MYO15B: variants seen among roughly 807,000 people sequenced by gnomAD.
The protein encoded by MYO15B is myosin XVB.
MYO15B carries 207 observed loss-of-function variants against 119.3 expected under a neutral mutation model. The observed-to-expected ratio is 1.73, with a 90% CI of 1.55 to 1.95. The LOEUF (loss-of-function observed/expected upper bound fraction) is 1.95, where lower values mean the gene tolerates loss of function less well. Among genes scored for constraint, MYO15B ranks in the 30% most tolerant of loss-of-function variants. The pLI is 0.00. For synonymous variants in MYO15B, 966 were observed against 498.9 expected (o/e 1.94, Z -12.48); for missense variants, 2,264 against 1,203.1 (o/e 1.88, Z -13.04).
exon 25 of MYO15B, chr17:75,611,993 A>G: frequency 1.4e-6 from 1 of 702,828 alleles, no homozygotes; most frequent in Non-Finnish European, 2.6e-6. Context: ...CCCTTTCTCC[A>G]GCTTCGTCGC....
chr17:75,594,587 C>T (rs933661136), exon 10 of MYO15B: 18 of 668,972 alleles, frequency 2.7e-5, no homozygotes, highest in Admixed American at 2.0e-4. Context: ...AGGAGGGTCA[C>T]GGTGAGCCCG....
intron 52 of MYO15B, 50 bp downstream of exon 52, chr17:75,621,620 C>G (rs1056250094): frequency 1.5e-6 from 1 of 686,888 alleles, no homozygotes; most frequent in Non-Finnish European, 2.7e-6. Context: ...TGCCATGAAC[C>G]TGGGTGTCTG....
At chr17:75,594,851 C>T (rs1331085322) in exon 12 of MYO15B, 1 of 702,934 alleles carries the variant, frequency 1.4e-6, no homozygotes, top group African/African-American at 1.7e-5. Flanking sequence ...GACGCCCTGG[C>T]CAAGGCACTG....
At chr17:75,588,460 T>A (rs1282159691) in exon 1 of MYO15B, 2 of 398,252 alleles carry the variant, frequency 5.0e-6, no homozygotes, top group Admixed American at 8.8e-5. Flanking sequence ...TAAGGGGCCC[T>A]CGGCTCGGCG....
intron 29 of MYO15B, 92 bp downstream of exon 29, chr17:75,613,869 G>A (rs985976394): frequency 3.2e-6 from 2 of 622,652 alleles, no homozygotes; most frequent in Admixed American, 5.1e-5. Context: ...GGGGCCGGGA[G>A]GAGAGGTGCC....
intron 19 of MYO15B, among the ~76,000 whole-genome samples, chr17:75,605,052 A>C (rs1281213924): frequency 2.6e-5 from 4 of 151,776 alleles, no homozygotes; most frequent in African/African-American, 7.3e-5. Context: ...CAAGAGGATC[A>C]CTTGAACCTG....
chr17:75,598,031 C>T (rs1216875338), intron 14 of MYO15B, among the ~76,000 whole-genome samples: 2 of 152,102 alleles, frequency 1.3e-5, no homozygotes, highest in Non-Finnish European at 2.9e-5. Flanking sequence ...CGTCATGAGC[C>T]TCTAGGAGCT....
At chr17:75,597,865 A>G (rs924585962) in intron 14 of MYO15B, among the ~76,000 whole-genome samples, 2 of 152,166 alleles carry the variant, frequency 1.3e-5, no homozygotes, top group African/African-American at 2.4e-5. Context: ...GCAGTGAGCC[A>G]TGATCATGCC....
At chr17:75,594,203 G>A (rs1344102350) in intron 9 of MYO15B, among the ~76,000 whole-genome samples, 1 of 150,600 alleles carries the variant, frequency 6.6e-6, no homozygotes, top group Non-Finnish European at 1.5e-5. Context: ...AACCCCCTAG[G>A]AAGGGTTACT....
At chr17:75,610,377 C>T in intron 22 of MYO15B, 118 bp downstream of exon 22, 1 of 568,812 alleles carries the variant, frequency 1.8e-6, no homozygotes, top group Admixed American at 3.0e-5. Context: ...GCTGTGGCTT[C>T]AGACACAGTG....
In MYO15B at chr17:75,591,718, G is replaced by A. The variant is rs1195168612; in HGVS notation, c.2547+6G>A. 143 of 702,776 alleles carry A rather than the reference G, an allele frequency of 2.0e-4. 1 individual carries two copies. Among genetic ancestry groups the A allele is most frequent in the Non-Finnish European group, 1.8e-5 (7 of 384,966 alleles). 43.5% of individuals were successfully genotyped at this position (702,776 alleles called of 1,614,324 possible). ...CGGGGAACCGAGAGTGTCAGGTGAGGGCCAGGCTGGAGGTACCTCATGGGT... is the reference window on the plus strand; with the variant it reads ...CGGGGAACCGAGAGTGTCAGGTGAGAGCCAGGCTGGAGGTACCTCATGGGT... On this transcript the variant is annotated splice_donor_region_variant and intron_variant, in intron 5 of 63. Coordinates refer to ENST00000645453, the Ensembl canonical transcript of MYO15B.
At chr17:75,623,098 G>C (rs374756359) in intron 53 of MYO15B, among the ~76,000 whole-genome samples, 1 of 151,810 alleles carries the variant, frequency 6.6e-6, no homozygotes, top group Non-Finnish European at 1.5e-5. Flanking sequence ...TTGGGAGGCC[G>C]AGGCAGGTGG....
exon 1 of MYO15B, chr17:75,588,669 A>T: frequency 2.5e-6 from 1 of 400,298 alleles, no homozygotes; most frequent in Non-Finnish European, 4.4e-6. Context: ...CGCTGGAGCC[A>T]AGCAGCGACG....
chr17:75,599,847 A>T (rs1388972909), intron 14 of MYO15B, among the ~76,000 whole-genome samples: 1 of 149,698 alleles, frequency 6.7e-6, no homozygotes. Context: ...GTGAGCCGAG[A>T]TCGTGCCACT....
At chr17:75,615,825 C>T (rs765460153) in exon 36 of MYO15B, 157 of 702,248 alleles carry the variant, frequency 2.2e-4, no homozygotes, top group Non-Finnish European at 3.5e-4. Context: ...GCCCAGGAAG[C>T]CCCCCACACC....
At chr17:75,591,884 G>A in intron 5 of MYO15B, 93 bp from the exon 6 acceptor site, 1 of 671,960 alleles carries the variant, frequency 1.5e-6, no homozygotes, top group Non-Finnish European at 2.7e-6. Context: ...TTTCTGATGG[G>A]ACTGACGCCT....
chr17:75,621,596 C>T (rs557118083), intron 52 of MYO15B, 26 bp downstream of exon 52: 2 of 698,604 alleles, frequency 2.9e-6, no homozygotes, highest in Non-Finnish European at 5.2e-6. Context: ...CATCCTGGGT[C>T]CCCATGTCTG....
Position 75,615,238 on chromosome 17 carries a change from A to C in MYO15B, c.5642-2A>C, listed in dbSNP as rs1419633304. ...ACTGACAGGGAGGGCGTGTTCCCTC[A>C]GTGTACCCAGGAATGATTCAGATGC... is the stretch of plus-strand genomic sequence containing the variant. On this transcript the variant is annotated splice_acceptor_variant, in intron 33 of 63. Transcript: ENST00000645453. LOFTEE classifies it high-confidence loss of function. 1 of 701,506 alleles carries C rather than the reference A, an allele frequency of 1.4e-6. No homozygotes were observed. Among genetic ancestry groups the C allele is most frequent in the African/African-American group, 1.7e-5 (1 of 57,222 alleles). The allele number at this position is 701,506 out of a possible 1,614,324, so 43.5% of individuals were successfully genotyped here. A position where few individuals can be genotyped will look rare whatever the true frequency, so the allele number is the denominator to read the frequency against.
exon 41 of MYO15B, chr17:75,617,295 G>C (rs1340220263): frequency 1.6e-6 from 1 of 639,362 alleles, no homozygotes; most frequent in Non-Finnish European, 2.8e-6. Context: ...CCTTTCAGCA[G>C]AGCGTCGTTG....
Sources: gnomAD v4.1 joint callset for allele counts (sites outside exome capture counted in the v4.1 genomes callset) on GRCh38, gnomAD v4.1.1 for gene constraint, MANE v1.5 for transcripts, NCBI Gene and HGNC (gene_info 2026-07-23, HGNC 2026-07-21) for gene names.